The following CCDC85C variants were observed in gnomAD, a reference collection of about 807,000 sequenced individuals.
CCDC85C encodes the protein coiled-coil domain-containing protein 85C.
A neutral mutation model predicts 38.3 loss-of-function variants in CCDC85C; 18 were observed. That is an observed-to-expected ratio of 0.47 (90% CI 0.33 to 0.70). The LOEUF (loss-of-function observed/expected upper bound fraction) is 0.70, where lower values mean the gene tolerates loss of function less well. Ranked by LOEUF, CCDC85C falls within the 30% of genes least tolerant of loss-of-function variation. The probability of loss-of-function intolerance (pLI) is 0.03; values close to 1 mark genes in which losing one functional copy is unlikely to be tolerated. For missense variants in CCDC85C, 566 were observed against 621.2 expected (o/e 0.91, Z 0.94); for synonymous variants, 264 against 293.8 (o/e 0.90, Z 1.04).
At chr14:99,586,362 C>T (rs1340526684) in intron 1 of CCDC85C, among the ~76,000 whole-genome samples, 1 of 152,262 alleles carries the variant, frequency 6.6e-6, no homozygotes, top group Non-Finnish European at 1.5e-5. Flanking sequence ...GGCAGCGGCA[C>T]TGCTGAAGAA....
rs1474143000 is a variant in CCDC85C, at chr14:99,576,025, G to A, written c.793+27142C>T. The stretch of plus-strand genomic sequence containing the variant: ...GCAACAGAAAACCCGGGGGAAACCC[G>A]CTGCTGTGACCACCCCACTCCTCCA... On this transcript the variant is annotated intron_variant, in intron 1 of 5. Transcript: ENST00000380243. This position sits in a 1 kb window ranked among gnomAD's most constrained non-coding sequence, Gnocchi z 4.8. 6.6e-6 allele frequency among the ~76,000 whole-genome samples: 1 copy of A among 152,176 alleles called. No homozygotes were observed. Among genetic ancestry groups the A allele is most frequent in the East Asian group, 1.9e-4 (1 of 5,194 alleles).
At position 99,508,766 on chromosome 14, in the gene CCDC85C, C is replaced by T. The variant is rs1897039714; in HGVS notation, c.*6480G>A. Reference sequence around the variant, plus strand: ...GTCACACAGCACAAGGGCAGGCACACTGGTGACTTGAAGATTCAGGCTACA... The same window carrying T: ...GTCACACAGCACAAGGGCAGGCACATTGGTGACTTGAAGATTCAGGCTACA... On this transcript the variant is annotated 3_prime_UTR_variant, in exon 6 of 6. Coordinates refer to ENST00000380243, the MANE Select transcript of CCDC85C (RefSeq NM_001144995.2). The T allele has an allele frequency of 6.6e-6, 1 of 152,478 alleles. No individual in the cohort carries two copies. The highest frequency in any genetic ancestry group is 1.5e-5 in the Non-Finnish European group (1 of 68,236). The allele number at this position is 152,478 out of a possible 1,614,324, so 9.4% of individuals were successfully genotyped here.
chr14:99,506,999 C>T lies in CCDC85C; in HGVS notation c.*8247G>A. 1 of 884,028 alleles carries T rather than the reference C, an allele frequency of 1.1e-6. No homozygotes were observed. 54.8% of individuals were successfully genotyped at this position (884,028 alleles called of 1,614,324 possible). ...GTTTTTCTCCCAAAGAAATCTCTGC[C>T]AGTACATTTTTCTTTATGACATGCT... On this transcript the variant is annotated 3_prime_UTR_variant, in exon 6 of 6. Coordinates refer to ENST00000380243, the MANE Select transcript of CCDC85C (RefSeq NM_001144995.2).
At chr14:99,565,174 C>T (rs1264323738) in intron 1 of CCDC85C, among the ~76,000 whole-genome samples, 2 of 152,192 alleles carry the variant, frequency 1.3e-5, no homozygotes, top group Non-Finnish European at 2.9e-5. Context: ...GGGACTTGGC[C>T]CTGTTCTTGG....
In CCDC85C at chr14:99,595,316, C is replaced by T. The variant is rs1478279873; in HGVS notation, c.793+7851G>A. Among the ~76,000 whole-genome samples the T allele has an allele frequency of 9.2e-5, 14 of 152,150 alleles. No homozygotes were observed. In the East Asian group the frequency reaches 2.1e-3, roughly 23 times the overall value. On this transcript the variant is annotated intron_variant, in intron 1 of 5. Coordinates refer to ENST00000380243, the MANE Select transcript of CCDC85C (RefSeq NM_001144995.2). The stretch of plus-strand genomic sequence containing the variant: ...TGTGGCCCAGGCTGGAGTGCAGTGG[C>T]GCGATGGCTCACTGCAACCTCTGCC...
At chr14:99,538,681 T>A (rs533325702) in intron 1 of CCDC85C, among the ~76,000 whole-genome samples, 2 of 152,364 alleles carry the variant, frequency 1.3e-5, no homozygotes, top group African/African-American at 4.8e-5. Context: ...AGGGATGGGC[T>A]GGAACCCAAG....
chr14:99,536,392 T>C (rs1215550901), intron 1 of CCDC85C, among the ~76,000 whole-genome samples: 1 of 152,174 alleles, frequency 6.6e-6, no homozygotes, highest in Non-Finnish European at 1.5e-5. Context: ...CTTCAGGACC[T>C]GTAGAAAGGT....
At chr14:99,573,108 G>A (rs1898391069) in intron 1 of CCDC85C, 1 of 301,646 alleles carries the variant, frequency 3.3e-6, no homozygotes. Flanking sequence ...GACCAGGCAG[G>A]GACTCAGGCG....
intron 1 of CCDC85C, among the ~76,000 whole-genome samples, chr14:99,597,202 C>T (rs893621877): frequency 2.0e-5 from 3 of 152,174 alleles, no homozygotes; most frequent in Non-Finnish European, 4.4e-5. Context: ...AGCCAGACTC[C>T]AAGAATCACT....
chr14:99,568,410 T>C (rs188547102), intron 1 of CCDC85C, among the ~76,000 whole-genome samples: 420 of 152,130 alleles, frequency 2.8e-3, no homozygotes, highest in African/African-American at 9.6e-3. Context: ...TAACTCCTCC[T>C]TCCTCCTTGG....
intron 1 of CCDC85C, among the ~76,000 whole-genome samples, chr14:99,551,851 C>T (rs1373240229): frequency 1.3e-5 from 2 of 152,172 alleles, no homozygotes; most frequent in Non-Finnish European, 2.9e-5. Flanking sequence ...TAGGTCAGAG[C>T]CTCTAGGGAA....
At chr14:99,546,084 C>G (rs747446344) in intron 1 of CCDC85C, among the ~76,000 whole-genome samples, 1 of 151,980 alleles carries the variant, frequency 6.6e-6, no homozygotes, top group African/African-American at 2.4e-5. Context: ...CAACCCTTAC[C>G]GAGCCCTAGA....
At position 99,500,677 on chromosome 14, in the gene CCDC85C, G is replaced by C; in HGVS notation, c.*14569C>G. 1.2e-6 allele frequency: 1 copy of C among 854,580 alleles called. No homozygotes were observed. The highest frequency in any genetic ancestry group is 1.9e-6 in the Non-Finnish European group (1 of 517,032). The allele number at this position is 854,580 out of a possible 1,614,324, so 52.9% of individuals were successfully genotyped here. ...GTTGCTAAAATATAACTTGAAGAGA[G>C]AATAAATAGACAGGAAAGCTCACTT... is the stretch of plus-strand genomic sequence containing the variant. On this transcript the variant is annotated 3_prime_UTR_variant, in exon 6 of 6. Transcript: ENST00000380243.
intron 5 of CCDC85C, 143 bp from the exon 6 acceptor site, chr14:99,515,478 C>T: frequency 1.6e-6 from 1 of 623,842 alleles, no homozygotes; most frequent in Admixed American, 2.6e-5. Flanking sequence ...ACTGCAGGCC[C>T]AGAGACACCC....
intron 1 of CCDC85C, among the ~76,000 whole-genome samples, chr14:99,554,939 C>G (rs981357321): frequency 6.6e-6 from 1 of 152,236 alleles, no homozygotes; most frequent in Non-Finnish European, 1.5e-5. Flanking sequence ...CAGGTGGGCA[C>G]AGATGGACAT....
intron 1 of CCDC85C, among the ~76,000 whole-genome samples, chr14:99,573,879 A>C (rs550287969): frequency 1.8e-4 from 28 of 152,268 alleles, no homozygotes; most frequent in Admixed American, 7.2e-4. Flanking sequence ...CGAGCACTCC[A>C]GGGCCTCTAT....
intron 1 of CCDC85C, among the ~76,000 whole-genome samples, chr14:99,564,768 C>T (rs1196749232): frequency 2.0e-5 from 3 of 152,220 alleles, no homozygotes; most frequent in Non-Finnish European, 2.9e-5. Flanking sequence ...TTTTAAGGCC[C>T]CTTGGCAACC....
At chr14:99,556,246 G>A (rs185485860) in intron 1 of CCDC85C, among the ~76,000 whole-genome samples, 44 of 152,292 alleles carry the variant, frequency 2.9e-4, no homozygotes, top group Non-Finnish European at 5.0e-4. Context: ...GCGGCATCCC[G>A]CCTCCACAGA....
chr14:99,572,301 G>A lies in CCDC85C; in HGVS notation c.793+30866C>T, dbSNP rs982692106. Among the ~76,000 whole-genome samples the A allele has an allele frequency of 3.9e-5, 6 of 152,010 alleles. No homozygotes were observed. Among genetic ancestry groups the A allele is most frequent in the East Asian group, 3.9e-4 (2 of 5,178 alleles). Reference sequence around the variant, plus strand: ...TGGGTCTTTTCATGCCATCACTGCCGTCTCCTCCCCGCTACTTTCCCCAAG... The same window carrying A: ...TGGGTCTTTTCATGCCATCACTGCCATCTCCTCCCCGCTACTTTCCCCAAG... On this transcript the variant is annotated intron_variant, in intron 1 of 5. Transcript: ENST00000380243. The surrounding 1 kb of genome is among the most constrained non-coding windows in gnomAD (Gnocchi z 4.4).
Sources: gnomAD v4.1 joint callset for allele counts (sites outside exome capture counted in the v4.1 genomes callset) on GRCh38, gnomAD v4.1.1 for gene constraint, Gnocchi (gnomAD v3.1) non-coding constraint, MANE v1.5 for transcripts, NCBI Gene and HGNC (gene_info 2026-07-23, HGNC 2026-07-21) for gene names.